GRID2: variants seen among roughly 807,000 people sequenced by gnomAD.
GRID2 encodes glutamate receptor ionotropic, delta-2.
In GRID2, 33 loss-of-function variants were observed where a neutral mutation model predicts 114.8. The ratio of observed to expected loss-of-function variants is 0.29; its 90% confidence interval spans 0.22 to 0.38. The LOEUF is 0.38. Ranked by LOEUF, GRID2 falls within the 10% of genes least tolerant of loss-of-function variation. The probability of loss-of-function intolerance (pLI) is 1.00; values close to 1 mark genes in which losing one functional copy is unlikely to be tolerated. For missense variants in GRID2, 1,184 were observed against 1,257.7 expected (o/e 0.94, Z 0.89); for synonymous variants, 505 against 449.9 (o/e 1.12, Z -1.55).
chr4:92,438,006 T>C (rs1488202041), intron 1 of GRID2, among the ~76,000 whole-genome samples: 1 of 152,252 alleles, frequency 6.6e-6, no homozygotes, highest in Non-Finnish European at 1.5e-5. Flanking sequence ...CTGATTTTAT[T>C]CATTGGACTT....
intron 6 of GRID2, among the ~76,000 whole-genome samples, chr4:93,223,140 T>C (rs1232869002): frequency 6.6e-6 from 1 of 152,118 alleles, no homozygotes; most frequent in Non-Finnish European, 1.5e-5. Context: ...CCAACCTGAA[T>C]GTTGATTCAT....
At chr4:92,980,997 A>G (rs979946109) in intron 2 of GRID2, among the ~76,000 whole-genome samples, 5 of 152,104 alleles carry the variant, frequency 3.3e-5, no homozygotes, top group African/African-American at 1.2e-4. Flanking sequence ...TGAATTTCAG[A>G]AAAGCCAAGC....
At chr4:92,625,900 A>AT (rs1034903003) in intron 2 of GRID2, among the ~76,000 whole-genome samples, 23 of 151,954 alleles carry the variant, frequency 1.5e-4, no homozygotes, top group African/African-American at 4.8e-4. Context: ...GTACTTCAAG[A>AT]TTTTTTTATT....
chr4:93,444,289 T>C (rs1721890327), intron 10 of GRID2, among the ~76,000 whole-genome samples: 1 of 151,990 alleles, frequency 6.6e-6, no homozygotes, highest in African/African-American at 2.4e-5. Flanking sequence ...AAATTGTTCC[T>C]ATAAGGACTT....
At chr4:93,310,841 C>A (rs1422957422) in intron 8 of GRID2, among the ~76,000 whole-genome samples, 1 of 152,104 alleles carries the variant, frequency 6.6e-6, no homozygotes, top group Admixed American at 6.6e-5. Flanking sequence ...ACTGTTGTCT[C>A]TAAATTGATC....
At chr4:93,372,507 A>T (rs905530739) in intron 8 of GRID2, among the ~76,000 whole-genome samples, 4 of 151,846 alleles carry the variant, frequency 2.6e-5, no homozygotes, top group Non-Finnish European at 5.9e-5. Context: ...CTACCCCTTA[A>T]GCTTCTCATT....
chr4:93,521,418 G>A (rs1001549751), intron 13 of GRID2, among the ~76,000 whole-genome samples: 2 of 152,068 alleles, frequency 1.3e-5, no homozygotes, highest in African/African-American at 4.8e-5. Context: ...CAGCTAGTGA[G>A]GTAAGATGGA....
intron 4 of GRID2, among the ~76,000 whole-genome samples, chr4:93,140,380 T>C (rs1026874363): frequency 1.3e-5 from 2 of 152,022 alleles, no homozygotes; most frequent in Admixed American, 1.3e-4. Flanking sequence ...GGATGGTCTC[T>C]TTCTCCTGAC....
At chr4:93,593,113 G>C (rs533506696) in intron 13 of GRID2, among the ~76,000 whole-genome samples, 167 of 150,696 alleles carry the variant, frequency 1.1e-3, no homozygotes, top group African/African-American at 3.9e-3. Context: ...ATGTTAGCTG[G>C]TTATTTTGCT....
At chr4:92,443,563 G>T (rs150545146) in intron 1 of GRID2, among the ~76,000 whole-genome samples, 2 of 152,040 alleles carry the variant, frequency 1.3e-5, no homozygotes, top group Non-Finnish European at 2.9e-5. Flanking sequence ...AGGTCGGGAC[G>T]TGGAAATAAG....
At chr4:92,927,711 T>A (rs894875897) in intron 2 of GRID2, among the ~76,000 whole-genome samples, 2 of 151,756 alleles carry the variant, frequency 1.3e-5, no homozygotes, top group Non-Finnish European at 2.9e-5. Context: ...TCTGAGAGTG[T>A]GCATTTAATT....
At chr4:93,605,360 A>G (rs747445431) in intron 13 of GRID2, among the ~76,000 whole-genome samples, 19 of 152,330 alleles carry the variant, frequency 1.2e-4, no homozygotes, top group African/African-American at 4.1e-4. Flanking sequence ...AAAACATTCT[A>G]TGAAACTGTG....
At chr4:92,879,210 T>A (rs181756325) in intron 2 of GRID2, among the ~76,000 whole-genome samples, 10 of 152,154 alleles carry the variant, frequency 6.6e-5, no homozygotes, top group South Asian at 6.2e-4. Flanking sequence ...GTATATATAT[T>A]TTTAAAAGTA....
chr4:93,540,407 A>G (rs1732545331), intron 13 of GRID2, among the ~76,000 whole-genome samples: 1 of 152,058 alleles, frequency 6.6e-6, no homozygotes, highest in Non-Finnish European at 1.5e-5. Context: ...GATATCTGGT[A>G]AAGTTTGAAT....
At chr4:92,685,963 C>T (rs1477112558) in intron 2 of GRID2, among the ~76,000 whole-genome samples, 1 of 151,904 alleles carries the variant, frequency 6.6e-6, no homozygotes, top group African/African-American at 2.4e-5. Context: ...CTCAGTTTAA[C>T]GTTACTTTCA....
At chr4:92,482,331 A>G (rs1722656434) in intron 1 of GRID2, among the ~76,000 whole-genome samples, 1 of 151,958 alleles carries the variant, frequency 6.6e-6, no homozygotes, top group African/African-American at 2.4e-5. Flanking sequence ...CTTAGAGGGC[A>G]GAGGGAGGAA....
chr4:92,582,067 T>A (rs745773159), intron 1 of GRID2, among the ~76,000 whole-genome samples: 6 of 152,036 alleles, frequency 3.9e-5, no homozygotes, highest in Non-Finnish European at 8.8e-5. Context: ...CAGAACAAAG[T>A]GCTAAGTAAG....
intron 1 of GRID2, among the ~76,000 whole-genome samples, chr4:92,535,577 G>A (rs553355024): frequency 2.4e-4 from 37 of 152,152 alleles, no homozygotes; most frequent in African/African-American, 8.2e-4. Flanking sequence ...AAGGCCAGAG[G>A]AACAGCAATT....
chr4:92,518,241 G>A (rs1579505394), intron 1 of GRID2, among the ~76,000 whole-genome samples: 7 of 151,498 alleles, frequency 4.6e-5, no homozygotes. Flanking sequence ...TCCAAATTAG[G>A]AGTTAAGGTA....
Sources: allele counts gnomAD v4.1 joint callset (sites outside exome capture counted in the v4.1 genomes callset), GRCh38; gene constraint gnomAD v4.1.1; transcripts MANE v1.5; gene names NCBI Gene and HGNC (gene_info 2026-07-23, HGNC 2026-07-21).